Variants in GABRB3 observed in about 807,000 individuals in gnomAD.
GABRB3 encodes the protein gamma-aminobutyric acid type A receptor subunit beta3.
Under a neutral mutation model 52.1 loss-of-function variants are expected in GABRB3, and 14 were observed. That is an observed-to-expected ratio of 0.27 (90% CI 0.18 to 0.42). The LOEUF is 0.42. Among genes scored for constraint, GABRB3 ranks in the 10% least tolerant of loss-of-function variants. GABRB3 has a pLI of 1.00. For synonymous variants in GABRB3, 260 were observed against 232.3 expected (o/e 1.12, Z -1.08); for missense variants, 307 against 609.1 (o/e 0.50, Z 5.22).
chr15:26,670,764 G>T (rs137965549), intron 3 of GABRB3, among the ~76,000 whole-genome samples: 2,513 of 152,310 alleles, frequency 0.016, 32 homozygotes, highest in African/African-American at 0.029. Context: ...GCTACAACTT[G>T]TAAAAAATTT....
chr15:26,745,689 T>G (rs1449268986), intron 3 of GABRB3, among the ~76,000 whole-genome samples: 2 of 152,220 alleles, frequency 1.3e-5, no homozygotes, highest in African/African-American at 4.8e-5. Context: ...TCTCTGTAAT[T>G]TTATTATTTC....
At chr15:26,761,122 C>T (rs1407928256) in intron 3 of GABRB3, among the ~76,000 whole-genome samples, 1 of 152,156 alleles carries the variant, frequency 6.6e-6, no homozygotes, top group Non-Finnish European at 1.5e-5. Context: ...AGGCCAGGCG[C>T]GGTGGCTCAC....
chr15:26,674,684 G>A (rs1888013641), intron 3 of GABRB3, among the ~76,000 whole-genome samples: 3 of 152,164 alleles, frequency 2.0e-5, no homozygotes, highest in Admixed American at 6.5e-5. Context: ...ATGCCACAAG[G>A]CCTCTCTGGG....
intron 8 of GABRB3, among the ~76,000 whole-genome samples, chr15:26,554,125 GTGTA>G (rs1331906037): frequency 0.09 from 2,588 of 28,702 alleles, 327 homozygotes; most frequent in African/African-American, 0.26. Flanking sequence ...TAAAGTGTGT[GTGTA>G]TATATATATA....
At chr15:26,731,692 A>T (rs1025874298) in intron 3 of GABRB3, among the ~76,000 whole-genome samples, 3 of 152,232 alleles carry the variant, frequency 2.0e-5, no homozygotes, top group Non-Finnish European at 2.9e-5. Context: ...TGTTGCACAC[A>T]CTGATACTAA....
In GABRB3 at chr15:26,727,035, T is replaced by G. The variant is rs530620923; in HGVS notation, c.240+45367A>C. ...TTAGCTGGGTGTGATCACATGCACC[T>G]GTAATCCCAGCTACTAGGGAGGCTG... On this transcript the variant is annotated intron_variant, in intron 3 of 8. Transcript: ENST00000311550. Among the ~76,000 whole-genome samples the G allele has an allele frequency of 2.6e-5, 4 of 152,288 alleles. No homozygotes were observed. The South Asian group carries it at 6.2e-4, about 24-fold the overall frequency.
At chr15:26,706,565 A>G (rs1288105764) in intron 3 of GABRB3, among the ~76,000 whole-genome samples, 1 of 152,220 alleles carries the variant, frequency 6.6e-6, no homozygotes, top group Non-Finnish European at 1.5e-5. Flanking sequence ...TTAAGGAGAA[A>G]AAAGGTTTGC....
At chr15:26,743,624 G>C (rs1167205177) in intron 3 of GABRB3, among the ~76,000 whole-genome samples, 4 of 152,154 alleles carry the variant, frequency 2.6e-5, no homozygotes, top group Non-Finnish European at 4.4e-5. Context: ...ACATTGTGGG[G>C]AAGGTGAACA....
chr15:26,586,683 T>A lies in GABRB3; in HGVS notation c.462-3269A>T, dbSNP rs1595461494. On this transcript the variant is annotated intron_variant, in intron 4 of 8. Coordinates refer to ENST00000311550, the MANE Select transcript of GABRB3 (RefSeq NM_000814.6). ...GGGCGACAAAGTGAGTAAGACTCCA[T>A]CTCAAAAAAAAAAAAAAAAAAAGAG... Among the ~76,000 whole-genome samples the A allele has an allele frequency of 4.6e-4, 7 of 15,318 alleles. 1 individual carries two copies. Among genetic ancestry groups the A allele is most frequent in the South Asian group, 7.0e-3 (1 of 142 alleles). 10.0% of individuals were successfully genotyped at this position (15,318 alleles called of 152,430 possible).
chr15:26,564,485 T>G (rs1428769531), intron 7 of GABRB3, among the ~76,000 whole-genome samples: 2 of 152,090 alleles, frequency 1.3e-5, no homozygotes, highest in Non-Finnish European at 2.9e-5. Flanking sequence ...TGAGTCCAGG[T>G]CCAACAGTGC....
intron 3 of GABRB3, among the ~76,000 whole-genome samples, chr15:26,655,911 G>C (rs1413755738): frequency 2.0e-5 from 3 of 152,112 alleles, no homozygotes; most frequent in African/African-American, 7.2e-5. Context: ...CCAAGCACAA[G>C]TAATCTGCAT....
chr15:26,697,212 T>C lies in GABRB3; in HGVS notation c.240+75190A>G, dbSNP rs142600974. On this transcript the variant is annotated intron_variant, in intron 3 of 8. Coordinates refer to ENST00000311550, the MANE Select transcript of GABRB3 (RefSeq NM_000814.6). ...TAAGCACAAGATTATGAAAAATGTTTCTTAAGAAACACATTACCCTAAGTA... is the reference window on the plus strand; with the variant it reads ...TAAGCACAAGATTATGAAAAATGTTCCTTAAGAAACACATTACCCTAAGTA... 2.0e-4 allele frequency among the ~76,000 whole-genome samples: 31 copies of C among 152,332 alleles called. No homozygotes were observed. In the East Asian group the frequency reaches 5.8e-3, roughly 28 times the overall value.
At chr15:26,750,865 T>C (rs1173344962) in intron 3 of GABRB3, among the ~76,000 whole-genome samples, 1 of 152,218 alleles carries the variant, frequency 6.6e-6, no homozygotes, top group East Asian at 1.9e-4. Flanking sequence ...TGCTAATTAC[T>C]TAATGAAACT....
intron 3 of GABRB3, among the ~76,000 whole-genome samples, chr15:26,745,453 A>G (rs1431833689): frequency 6.6e-6 from 1 of 152,218 alleles, no homozygotes; most frequent in Non-Finnish European, 1.5e-5. Flanking sequence ...GACCTCATTC[A>G]GATTTCACCA....
chr15:26,711,071 C>T (rs994393949), intron 3 of GABRB3, among the ~76,000 whole-genome samples: 1 of 152,166 alleles, frequency 6.6e-6, no homozygotes, highest in Non-Finnish European at 1.5e-5. Context: ...TCAACACCAT[C>T]TATTCCAAAA....
chr15:26,629,162 G>A, intron 3 of GABRB3: 2 of 1,499,782 alleles, frequency 1.3e-6, no homozygotes, highest in Non-Finnish European at 1.8e-6. Flanking sequence ...CGGAGTGTGG[G>A]GAGAAGCAGC....
intron 3 of GABRB3, among the ~76,000 whole-genome samples, chr15:26,743,087 G>A (rs1359476178): frequency 6.6e-6 from 1 of 151,816 alleles, no homozygotes; most frequent in African/African-American, 2.4e-5. Flanking sequence ...GCACCAACAC[G>A]CCAGGCCAAT....
intron 8 of GABRB3, among the ~76,000 whole-genome samples, chr15:26,554,762 T>G (rs1360819319): frequency 6.6e-6 from 1 of 152,080 alleles, no homozygotes; most frequent in Non-Finnish European, 1.5e-5. Flanking sequence ...GGGACGTGAG[T>G]GATCTGCCAT....
At chr15:26,745,019 ATGG>A (rs766746920) in intron 3 of GABRB3, among the ~76,000 whole-genome samples, 5 of 152,168 alleles carry the variant, frequency 3.3e-5, no homozygotes, top group African/African-American at 4.8e-5. Flanking sequence ...CTCATGGTGG[ATGG>A]TGAAGTGGGA....
Sources: allele counts gnomAD v4.1 joint callset (sites outside exome capture counted in the v4.1 genomes callset), GRCh38; gene constraint gnomAD v4.1.1; transcripts MANE v1.5; gene names NCBI Gene and HGNC (gene_info 2026-07-23, HGNC 2026-07-21).